The following DDX60L variants were observed in gnomAD, a reference collection of about 807,000 sequenced individuals.
DDX60L encodes the protein DExD/H-box 60 like.
A neutral mutation model predicts 211.6 loss-of-function variants in DDX60L; 191 were observed. The observed-to-expected ratio is 0.90, with a 90% CI of 0.80 to 1.02. The LOEUF (loss-of-function observed/expected upper bound fraction) is 1.02, where lower values mean the gene tolerates loss of function less well. Among genes scored for constraint, DDX60L ranks in the 50% least tolerant of loss-of-function variants. DDX60L has a pLI of 0.00. For missense variants in DDX60L, 2,007 were observed against 1,984.1 expected, an observed-to-expected ratio of 1.01 and a Z score of -0.22; for synonymous variants, 706 against 694.1, an observed-to-expected ratio of 1.02 and a Z score of -0.27.
At chr4:168,394,230 A>G (rs1745376174) in intron 28 of DDX60L, among the ~76,000 whole-genome samples, 12 of 151,996 alleles carry the variant, frequency 7.9e-5, no homozygotes, top group Admixed American at 7.9e-4. Context: ...GTAAAGTGTT[A>G]CACCTGGATT....
At chr4:168,394,097 A>G (rs1289909250) in intron 28 of DDX60L, among the ~76,000 whole-genome samples, 2 of 152,026 alleles carry the variant, frequency 1.3e-5, no homozygotes, top group Non-Finnish European at 2.9e-5. Context: ...CGGGACGGCT[A>G]AAGTAGGAAA....
In DDX60L at chr4:168,471,923, A is replaced by G. The variant is rs760314085; in HGVS notation, c.88T>C (p.Leu30=). ...EMPKAGYSSI[L]NDFVESNFFV... The stretch of plus-strand genomic sequence containing the variant: ...AAATTAGATTCCACAAAATCATTTA[A>G]TATGCTGGAATACCTAAAATAAAAA... The change falls in exon 4 of 38, where the codon TTA becomes CTA. Residue 30 remains leucine (L), a synonymous_variant. Coordinates refer to ENST00000682922, the MANE Select transcript of DDX60L (RefSeq NM_001012967.3). 21 of 1,597,562 alleles carry G rather than the reference A, an allele frequency of 1.3e-5. No homozygotes were observed. Among genetic ancestry groups the G allele is most frequent in the Non-Finnish European group, 1.8e-5 (21 of 1,172,188 alleles).
At position 168,394,542 on chromosome 4, in the gene DDX60L, TCC is replaced by T. The variant is rs1188198210; in HGVS notation, c.3731_3732del (p.Gly1244AspfsTer11). On this transcript the variant is annotated frameshift_variant, in exon 28 of 38. Transcript: ENST00000682922. LOFTEE classifies it high-confidence loss of function. ...GKELKALAQR[G>X]IGYHHSSMYF... The stretch of plus-strand genomic sequence containing the variant: ...TACATGCTGCTGTGATGATATCCAA[TCC>T]CCCTTTGTGCTAAAGCCTTCAGTTC... The T allele has an allele frequency of 3.7e-6, 6 of 1,613,540 alleles. No individual in the cohort carries two copies. In the African/African-American group the frequency reaches 8.0e-5, roughly 22 times the overall value.
chr4:168,363,765 C>T (rs1027752226), intron 36 of DDX60L, among the ~76,000 whole-genome samples: 1 of 152,040 alleles, frequency 6.6e-6, no homozygotes, highest in Admixed American at 6.5e-5. Context: ...AAACCACAGA[C>T]ATAAACAACA....
intron 13 of DDX60L, among the ~76,000 whole-genome samples, chr4:168,430,108 A>G (rs1752118599): frequency 6.6e-6 from 1 of 152,208 alleles, no homozygotes; most frequent in African/African-American, 2.4e-5. Context: ...CTGAGGAAGA[A>G]GAATTGCTTC....
chr4:168,370,702 T>C (rs1038766999), intron 36 of DDX60L, among the ~76,000 whole-genome samples: 1 of 152,182 alleles, frequency 6.6e-6, no homozygotes, highest in African/African-American at 2.4e-5. Context: ...CCTATATATA[T>C]GTGCAGTTAC....
At chr4:168,389,291 T>C (rs1266244966) in intron 29 of DDX60L, among the ~76,000 whole-genome samples, 2 of 152,180 alleles carry the variant, frequency 1.3e-5, no homozygotes, top group Non-Finnish European at 2.9e-5. Context: ...AGGGAATATA[T>C]AAATGAGTAT....
chr4:168,427,855 C>A (rs1276852411), intron 13 of DDX60L, among the ~76,000 whole-genome samples: 1 of 152,198 alleles, frequency 6.6e-6, no homozygotes, highest in Admixed American at 6.5e-5. Flanking sequence ...TTTTTCCCAC[C>A]TCTCCCCTAA....
chr4:168,364,531 C>T (rs1402186206), intron 36 of DDX60L, among the ~76,000 whole-genome samples: 1 of 152,136 alleles, frequency 6.6e-6, no homozygotes, highest in East Asian at 1.9e-4. Flanking sequence ...TTAAACTGCA[C>T]CATAGACCAA....
intron 18 of DDX60L, among the ~76,000 whole-genome samples, chr4:168,419,885 T>C (rs1446479343): frequency 6.6e-6 from 1 of 152,134 alleles, no homozygotes; most frequent in African/African-American, 2.4e-5. Context: ...TATTTGAAAT[T>C]TCAGATCACA....
intron 9 of DDX60L, among the ~76,000 whole-genome samples, chr4:168,443,434 C>T (rs1167408560): frequency 6.6e-6 from 1 of 151,824 alleles, no homozygotes; most frequent in East Asian, 1.9e-4. Context: ...GAGAATGGAA[C>T]CAAGTTGGAA....
intron 22 of DDX60L, among the ~76,000 whole-genome samples, chr4:168,411,215 T>C (rs928860063): frequency 6.6e-6 from 1 of 152,150 alleles, no homozygotes; most frequent in African/African-American, 2.4e-5. Flanking sequence ...GAACTCCAAA[T>C]TGAACAACTA....
At chr4:168,423,889 A>C in intron 14 of DDX60L, 115 bp from the exon 15 acceptor site, 2 of 628,204 alleles carry the variant, frequency 3.2e-6, no homozygotes, top group Non-Finnish European at 5.1e-6. Flanking sequence ...TCACTATTTT[A>C]CTTGACTTTA....
rs114139313 is a variant in DDX60L, at chr4:168,456,198, T to C, written c.724-46A>G. 387 of 1,235,102 alleles carry C rather than the reference T, an allele frequency of 3.1e-4. 2 individuals are homozygous for C. The African/African-American group carries it at 5.6e-3, about 18-fold the overall frequency. 76.5% of individuals were successfully genotyped at this position (1,235,102 alleles called of 1,614,324 possible). A position where few individuals can be genotyped will look rare whatever the true frequency, so the allele number is the denominator to read the frequency against. ...TCAAATGTCAAATTATTTAGAAATA[T>C]TCTTTTACTCAGAAGTGCTCTTACT... On this transcript the variant is annotated intron_variant, in intron 6 of 37. Transcript: ENST00000682922.
chr4:168,454,193 G>A (rs1383210155), intron 7 of DDX60L, among the ~76,000 whole-genome samples: 3 of 152,050 alleles, frequency 2.0e-5, no homozygotes, highest in Non-Finnish European at 2.9e-5. Flanking sequence ...CTGAAATAAA[G>A]TTTCTAAGTT....
At chr4:168,395,051 A>G (rs1418619614) in intron 27 of DDX60L, among the ~76,000 whole-genome samples, 2 of 152,136 alleles carry the variant, frequency 1.3e-5, no homozygotes, top group Admixed American at 1.3e-4. Context: ...GTCATATCCA[A>G]CCCCTTAAAA....
intron 12 of DDX60L, among the ~76,000 whole-genome samples, 175 bp downstream of exon 12, chr4:168,432,280 G>A (rs1337884870): frequency 6.8e-6 from 1 of 147,110 alleles, no homozygotes; most frequent in East Asian, 2.0e-4. Flanking sequence ...ACACATATAT[G>A]TATAGTATAT....
Position 168,472,538 on chromosome 4 carries a change from G to A in DDX60L, c.5-14C>T. The A allele has an allele frequency of 6.3e-7, 1 of 1,578,274 alleles. No homozygotes were observed. Among genetic ancestry groups the A allele is most frequent in the Non-Finnish European group, 8.6e-7 (1 of 1,159,970 alleles). ...GATCCTTTGACCCTAAAAATAAGGA[G>A]ATTTTTTGAGCCATCAATATTTTTA... On this transcript the variant is annotated splice_polypyrimidine_tract_variant and intron_variant, in intron 2 of 37. Transcript: ENST00000682922.
chr4:168,479,154 G>A (rs368369800), intron 1 of DDX60L, among the ~76,000 whole-genome samples: 1 of 144,300 alleles, frequency 6.9e-6, no homozygotes, highest in African/African-American at 2.5e-5. Context: ...ATGGATGGAT[G>A]GATGGATGGA....
Sources: allele counts gnomAD v4.1 joint callset (sites outside exome capture counted in the v4.1 genomes callset), GRCh38; gene constraint gnomAD v4.1.1; transcripts MANE v1.5; gene names NCBI Gene and HGNC (gene_info 2026-07-23, HGNC 2026-07-21).